CCDC88C: variants seen among roughly 807,000 people sequenced by gnomAD.
The protein encoded by CCDC88C is coiled-coil and HOOK domain protein 88C.
CCDC88C carries 131 observed loss-of-function variants against 198.8 expected under a neutral mutation model. The ratio of observed to expected loss-of-function variants is 0.66; its 90% CI spans 0.57 to 0.76. CCDC88C has a LOEUF of 0.76. Among genes scored for constraint, CCDC88C ranks in the 30% least tolerant of loss-of-function variants. The pLI, the probability that CCDC88C is intolerant of heterozygous loss-of-function variation, is 0.00. For missense variants in CCDC88C, 2,553 were observed against 2,631.6 expected (o/e 0.97, Z 0.65); for synonymous variants, 1,166 against 1,114.7 (o/e 1.05, Z -0.92).
intron 3 of CCDC88C, among the ~76,000 whole-genome samples, chr14:91,402,554 AAC>A (rs2140003584): frequency 6.6e-6 from 1 of 152,280 alleles, no homozygotes; most frequent in South Asian, 2.1e-4. Flanking sequence ...ATATATATAC[AAC>A]ACACACACAT....
rs1891910013 is a variant in CCDC88C at position 91,313,129 on chromosome 14, A to G, written c.2687T>C (p.Leu896Pro). Residue 896 changes from leucine to proline, a missense_variant, in exon 15 of 30, where the codon CTC becomes CCC. Physicochemically the swap from Leu to Pro is moderately conservative, Grantham distance 98. Coordinates refer to ENST00000389857, the MANE Select transcript of CCDC88C (RefSeq NM_001080414.4). The surrounding 1 kb of genome is among the most constrained non-coding windows in gnomAD (Gnocchi z 5.2). ...TGCATGCACGGTGACTTGCTTGGTG[A>G]GGTCCCGGTTGTCCTTCTCCAGCTC... is the stretch of plus-strand genomic sequence containing the variant. ...LKELEKDNRDLTKQVTVHART... is the reference protein window; with the variant it reads ...LKELEKDNRDPTKQVTVHART... 6.2e-7 allele frequency: 1 copy of G among 1,604,772 alleles called. No individual in the cohort carries two copies. Among genetic ancestry groups the G allele is most frequent in the Non-Finnish European group, 8.5e-7 (1 of 1,173,534 alleles).
chr14:91,334,614 AG>A (rs1892972245), intron 10 of CCDC88C, among the ~76,000 whole-genome samples: 2 of 152,230 alleles, frequency 1.3e-5, no homozygotes, highest in South Asian at 4.1e-4. Context: ...AAGGAATCTC[AG>A]GGCAAATTCC....
intron 15 of CCDC88C, among the ~76,000 whole-genome samples, chr14:91,312,294 A>T (rs113640628): frequency 0.015 from 2,209 of 152,300 alleles, 50 homozygotes; most frequent in African/African-American, 0.05. Context: ...AGGCTGAGGC[A>T]GGAGAATCGC....
Position 91,339,421 on chromosome 14 carries a change from T to TGCCTGC in CCDC88C, c.660_665dup (p.Ala222_Gln223dup). 8 of 1,610,616 alleles carry TGCCTGC rather than the reference T, an allele frequency of 5.0e-6. No individual in the cohort carries two copies. Among genetic ancestry groups the TGCCTGC allele is most frequent in the Non-Finnish European group, 6.8e-6 (8 of 1,177,202 alleles). The stretch of plus-strand genomic sequence containing the variant: ...ACTTGATGGGGCTGGGTGGATGCTG[T>TGCCTGC]GCCTGCAGGTAGTCCCGTTCCTGAG... On this transcript the variant is annotated inframe_insertion, in exon 8 of 30. Transcript: ENST00000389857. This position sits in a 1 kb window ranked among gnomAD's most constrained non-coding sequence, Gnocchi z 5.8.
intron 13 of CCDC88C, among the ~76,000 whole-genome samples, chr14:91,318,819 G>A (rs1405055096): frequency 2.0e-5 from 3 of 148,710 alleles, no homozygotes; most frequent in Non-Finnish European, 4.4e-5. Flanking sequence ...TTGGGAGGCC[G>A]AGACAGGAGC....
At chr14:91,332,903 A>G (rs1892894442) in intron 10 of CCDC88C, among the ~76,000 whole-genome samples, 1 of 152,190 alleles carries the variant, frequency 6.6e-6, no homozygotes, top group Non-Finnish European at 1.5e-5. Context: ...CAAGGTCCAC[A>G]CAGAAAGCCT....
Position 91,313,015 on chromosome 14 carries a change from T to C in CCDC88C, c.2736+65A>G, listed in dbSNP as rs1402195361. 1 of 1,236,826 alleles carries C rather than the reference T, an allele frequency of 8.1e-7. No individual in the cohort carries two copies. Among genetic ancestry groups the C allele is most frequent in the Middle Eastern group, 2.0e-4 (1 of 5,086 alleles). 76.6% of individuals were successfully genotyped at this position (1,236,826 alleles called of 1,614,324 possible). ...GAGTCTTATTTCTCTCCTGAAACCA[T>C]GCACCACAGAACCCACTACCACCAT... On this transcript the variant is annotated intron_variant, in intron 15 of 29. Transcript: ENST00000389857. This position sits in a 1 kb window ranked among gnomAD's most constrained non-coding sequence, Gnocchi z 5.2.
In CCDC88C at chr14:91,284,059, T is replaced by C. The variant is rs953779225; in HGVS notation, c.4442-542A>G. The stretch of plus-strand genomic sequence containing the variant: ...GAACTGCAAGAAAATTTTTACCTTG[T>C]GTCTTGTGCTTTTCTGAAATCTCTA... On this transcript the variant is annotated intron_variant, in intron 25 of 29. Coordinates refer to ENST00000389857, the MANE Select transcript of CCDC88C (RefSeq NM_001080414.4). The surrounding 1 kb of genome is among the most constrained non-coding windows in gnomAD (Gnocchi z 4.1). Among the ~76,000 whole-genome samples, 2 of 152,250 alleles carry C rather than the reference T, an allele frequency of 1.3e-5. No individual in the cohort carries two copies. The highest frequency in any genetic ancestry group is 2.9e-5 in the Non-Finnish European group (2 of 68,042).
chr14:91,348,031 A>T (rs1893627065), intron 4 of CCDC88C, among the ~76,000 whole-genome samples: 1 of 152,152 alleles, frequency 6.6e-6, no homozygotes, highest in Admixed American at 6.5e-5. Context: ...TTTGAGATGG[A>T]GTCTCGCTCT....
chr14:91,330,667 C>T (rs1490146757), intron 10 of CCDC88C, among the ~76,000 whole-genome samples: 3 of 152,184 alleles, frequency 2.0e-5, no homozygotes, highest in Non-Finnish European at 4.4e-5. Flanking sequence ...TGGCCCTGTG[C>T]TCTGGCTTGA....
chr14:91,398,571 T>C (rs555133969), intron 3 of CCDC88C, among the ~76,000 whole-genome samples: 1 of 152,114 alleles, frequency 6.6e-6, no homozygotes, highest in South Asian at 2.1e-4. Flanking sequence ...GCTGGAGGAT[T>C]GCTTGAGCCC....
In CCDC88C at chr14:91,291,050, T is replaced by C; in HGVS notation, c.4147A>G (p.Lys1383Glu). Reference protein sequence around the residue: ...KLNALRRHKEKLEEKIMDQYK... With the variant: ...KLNALRRHKEELEEKIMDQYK... ...TGATCCATGATTTTTTCTTCCAGCTTTTCCTTATGTCTTCGTAAGGCATTT... is the reference window on the plus strand; with the variant it reads ...TGATCCATGATTTTTTCTTCCAGCTCTTCCTTATGTCTTCGTAAGGCATTT... Residue 1383 changes from lysine to glutamate, a missense_variant, in exon 24 of 30, where the codon AAG becomes GAG. Physicochemically the swap from Lys to Glu is moderately conservative, Grantham distance 56 (BLOSUM62 1). Coordinates refer to ENST00000389857, the MANE Select transcript of CCDC88C (RefSeq NM_001080414.4). The C allele has an allele frequency of 6.3e-7, 1 of 1,586,138 alleles. No homozygotes were observed. The highest frequency in any genetic ancestry group is 1.1e-5 in the South Asian group (1 of 87,808).
intron 4 of CCDC88C, among the ~76,000 whole-genome samples, chr14:91,350,717 C>T (rs532732970): frequency 2.6e-5 from 4 of 151,112 alleles, no homozygotes; most frequent in Admixed American, 2.0e-4. Flanking sequence ...CCACAGAGGC[C>T]CAGGACCTGC....
chr14:91,342,932 T>C (rs1893368305), intron 5 of CCDC88C, among the ~76,000 whole-genome samples: 1 of 152,164 alleles, frequency 6.6e-6, no homozygotes, highest in Non-Finnish European at 1.5e-5. Flanking sequence ...ACAGACAATA[T>C]GTAAAGGTGG....
intron 3 of CCDC88C, among the ~76,000 whole-genome samples, chr14:91,368,655 C>T (rs1384577829): frequency 6.6e-6 from 1 of 152,178 alleles, no homozygotes; most frequent in Non-Finnish European, 1.5e-5. Flanking sequence ...CCAGAAACGG[C>T]ACGGTGCTGG....
chr14:91,365,616 C>T (rs1596117109), intron 3 of CCDC88C, among the ~76,000 whole-genome samples: 1 of 152,208 alleles, frequency 6.6e-6, no homozygotes, highest in Admixed American at 6.5e-5. Context: ...GGGACCTCCA[C>T]CCTTGGTTTG....
intron 10 of CCDC88C, among the ~76,000 whole-genome samples, chr14:91,330,153 G>A (rs1596077266): frequency 6.6e-6 from 1 of 152,330 alleles, no homozygotes; most frequent in East Asian, 1.9e-4. Flanking sequence ...CTCCCACTCT[G>A]GTTGGGAAAC....
chr14:91,295,038 A>G (rs1890942215), intron 22 of CCDC88C, among the ~76,000 whole-genome samples: 1 of 152,156 alleles, frequency 6.6e-6, no homozygotes, highest in African/African-American at 2.4e-5. Context: ...ATACGCGACT[A>G]TGAGAAAGGA....
At chr14:91,310,686 A>G (rs1022058856) in intron 15 of CCDC88C, among the ~76,000 whole-genome samples, 1 of 152,198 alleles carries the variant, frequency 6.6e-6, no homozygotes, top group African/African-American at 2.4e-5. Context: ...CTGGGATTAC[A>G]GGCGCGAGCC....
Sources: gnomAD v4.1 joint callset for allele counts (sites outside exome capture counted in the v4.1 genomes callset) on GRCh38, gnomAD v4.1.1 for gene constraint, Gnocchi (gnomAD v3.1) non-coding constraint, MANE v1.5 for transcripts, NCBI Gene and HGNC (gene_info 2026-07-23, HGNC 2026-07-21) for gene names.